The following SLC17A1 variants were observed in gnomAD, a reference collection of about 807,000 sequenced individuals.
The protein encoded by SLC17A1 is solute carrier family 17 member 1.
A neutral mutation model predicts 53.5 loss-of-function variants in SLC17A1; 51 were observed. The observed-to-expected ratio is 0.95, with a 90% CI of 0.76 to 1.20. SLC17A1 has a LOEUF of 1.20. Among genes scored for constraint, SLC17A1 ranks in the 50% most tolerant of loss-of-function variants. The pLI is 0.00. For missense variants in SLC17A1, 538 were observed against 568.2 expected (o/e 0.95, Z 0.54); for synonymous variants, 179 against 198.8 (o/e 0.90, Z 0.84).
chr6:25,827,297 T>C (rs1764785756), intron 2 of SLC17A1, among the ~76,000 whole-genome samples: 1 of 152,108 alleles, frequency 6.6e-6, no homozygotes, highest in South Asian at 2.1e-4. Flanking sequence ...CATACAGAAA[T>C]GTTTATAGTA....
chr6:25,812,313 G>A (rs1764185456), intron 8 of SLC17A1, among the ~76,000 whole-genome samples: 1 of 152,162 alleles, frequency 6.6e-6, no homozygotes, highest in African/African-American at 2.4e-5. Context: ...GTCTTGTCTG[G>A]TTATTATGGT....
chr6:25,732,428 CTT>C, the SLC17A1 span: 3 of 273,508 alleles, frequency 1.1e-5, no homozygotes, highest in Non-Finnish European at 1.4e-5. Context: ...TCCGTTATAA[CTT>C]TTAGTTTTGG....
At chr6:25,727,855 TA>T in the SLC17A1 span, among the ~76,000 whole-genome samples, 1 of 151,738 alleles carries the variant, frequency 6.6e-6, no homozygotes, top group Non-Finnish European at 1.5e-5. Flanking sequence ...CCGTCTCTAC[TA>T]AAAATACAAA....
intron 3 of SLC17A1, among the ~76,000 whole-genome samples, chr6:25,823,168 T>A (rs1764622949): frequency 6.6e-6 from 1 of 152,178 alleles, no homozygotes; most frequent in South Asian, 2.1e-4. Flanking sequence ...GTACTCCATT[T>A]TATGGATGTG....
chr6:25,797,967 T>C (rs1763638605), intron 12 of SLC17A1, among the ~76,000 whole-genome samples: 1 of 152,318 alleles, frequency 6.6e-6, no homozygotes, highest in Non-Finnish European at 1.5e-5. Context: ...GTCGAACATA[T>C]TCTCTGTTTT....
At chr6:25,831,765 C>A (rs1764957806) in intron 1 of SLC17A1, among the ~76,000 whole-genome samples, 1 of 152,154 alleles carries the variant, frequency 6.6e-6, no homozygotes. Context: ...CACTGTACAA[C>A]ACATACTTCT....
chr6:25,784,586 A>T (rs1763339886), intron 12 of SLC17A1, among the ~76,000 whole-genome samples: 3 of 152,124 alleles, frequency 2.0e-5, no homozygotes, highest in Admixed American at 2.0e-4. Flanking sequence ...GTCATGAGGG[A>T]TCTGCCCCCA....
At chr6:25,804,537 T>C (rs1179435337) in intron 10 of SLC17A1, among the ~76,000 whole-genome samples, 4 of 152,026 alleles carry the variant, frequency 2.6e-5, no homozygotes, top group African/African-American at 9.7e-5. Flanking sequence ...CATCTCAATA[T>C]TCATATGGAA....
At chr6:25,760,231 T>C in the SLC17A1 span, among the ~76,000 whole-genome samples, 1 of 152,228 alleles carries the variant, frequency 6.6e-6, no homozygotes, top group African/African-American at 2.4e-5. Context: ...TCTTAATCTA[T>C]ATTCATATAT....
At chr6:25,757,273 T>A in the SLC17A1 span, among the ~76,000 whole-genome samples, 2 of 152,174 alleles carry the variant, frequency 1.3e-5, no homozygotes, top group Non-Finnish European at 2.9e-5. Context: ...TATTTTCTTT[T>A]ATATTAATAA....
downstream of SLC17A1, chr6:25,778,908 T>G: frequency 3.3e-5 from 32 of 962,892 alleles, no homozygotes; most frequent in African/African-American, 3.3e-5. Flanking sequence ...GAAATGTACT[T>G]GAGTATTCTA....
At chr6:25,731,684 CTA>C in the SLC17A1 span, 4 of 824,960 alleles carry the variant, frequency 4.8e-6, no homozygotes, top group Non-Finnish European at 5.4e-6. Context: ...GAGGCATACT[CTA>C]TAATAAAATA....
At chr6:25,726,940 T>C in the SLC17A1 span, 3 of 1,613,776 alleles carry the variant, frequency 1.9e-6, no homozygotes, top group African/African-American at 1.3e-5. Context: ...GGTGCTACCA[T>C]TTCCAAGAAG....
At chr6:25,829,885 A>ATG (rs1213089050) in intron 2 of SLC17A1, among the ~76,000 whole-genome samples, 1 of 152,208 alleles carries the variant, frequency 6.6e-6, no homozygotes, top group Non-Finnish European at 1.5e-5. Flanking sequence ...ACATATATAT[A>ATG]TAAACTTTGA....
chr6:25,816,328 G>A (rs1252837374), intron 6 of SLC17A1, among the ~76,000 whole-genome samples: 1 of 152,196 alleles, frequency 6.6e-6, no homozygotes, highest in Non-Finnish European at 1.5e-5. Flanking sequence ...TGCAAATAGT[G>A]CCTCCTACCT....
the SLC17A1 span, among the ~76,000 whole-genome samples, chr6:25,766,136 G>A: frequency 6.7e-6 from 1 of 149,614 alleles, no homozygotes; most frequent in Non-Finnish European, 1.5e-5. Context: ...AAATATAATT[G>A]AATTATAATT....
the SLC17A1 span, among the ~76,000 whole-genome samples, chr6:25,725,620 G>C: frequency 6.6e-6 from 1 of 152,060 alleles, no homozygotes; most frequent in Non-Finnish European, 1.5e-5. Flanking sequence ...GTTTGAGATA[G>C]TCTCGCTCAT....
rs192436986 is a variant in SLC17A1 at position 25,810,955 on chromosome 6, A to G, written c.1178+443T>C. On this transcript the variant is annotated intron_variant, in intron 10 of 12. Coordinates refer to ENST00000244527, the MANE Select transcript of SLC17A1 (RefSeq NM_005074.5). Reference sequence around the variant, plus strand: ...GAAGGAAATCAAGTCATTTGTGACAACTTGAATGAACCTGGAGGACATTAA... The same window carrying G: ...GAAGGAAATCAAGTCATTTGTGACAGCTTGAATGAACCTGGAGGACATTAA... Among the ~76,000 whole-genome samples the G allele has an allele frequency of 2.1e-3, 318 of 152,310 alleles. 4 individuals carry two copies. The highest frequency in any genetic ancestry group is 3.1e-4 in the Non-Finnish European group (21 of 68,026).
the SLC17A1 span, chr6:25,773,581 A>G: frequency 0.13 from 209,029 of 1,613,770 alleles, 14,722 homozygotes; most frequent in South Asian, 0.19. Flanking sequence ...GGGCCATTTT[A>G]GTCTCTTATT....
Sources: gnomAD v4.1 joint callset for allele counts (sites outside exome capture counted in the v4.1 genomes callset) on GRCh38, gnomAD v4.1.1 for gene constraint, MANE v1.5 for transcripts, NCBI Gene and HGNC (gene_info 2026-07-23, HGNC 2026-07-21) for gene names.